Variants in MACROD2 observed in about 807,000 individuals in gnomAD.
The protein encoded by MACROD2 is mono-ADP ribosylhydrolase 2.
In MACROD2, 36 loss-of-function variants were observed where a neutral mutation model predicts 70.4. That is an observed-to-expected ratio of 0.51 (90% CI 0.39 to 0.68). The LOEUF (loss-of-function observed/expected upper bound fraction) is 0.68. MACROD2 is among the 30% of genes least tolerant of loss of function. The pLI, the probability that MACROD2 is intolerant of heterozygous loss-of-function variation, is 0.00. For missense variants in MACROD2, 496 were observed against 538.4 expected, an observed-to-expected ratio of 0.92 and a Z score of 0.78; for synonymous variants, 172 against 178.8, an observed-to-expected ratio of 0.96 and a Z score of 0.30.
At chr20:14,926,397 A>C (rs767514663) in intron 5 of MACROD2, among the ~76,000 whole-genome samples, 9 of 151,978 alleles carry the variant, frequency 5.9e-5, no homozygotes, top group Non-Finnish European at 1.0e-4. Context: ...AAAAATACAA[A>C]AAATTAGCTG....
At chr20:15,246,810 G>A (rs1248488600) in intron 6 of MACROD2, among the ~76,000 whole-genome samples, 2 of 152,128 alleles carry the variant, frequency 1.3e-5, no homozygotes, top group Non-Finnish European at 2.9e-5. Context: ...TAGCCCTAAA[G>A]TGGAAACAAT....
At chr20:14,770,112 TA>T (rs145646608) in intron 5 of MACROD2, among the ~76,000 whole-genome samples, 3,334 of 152,076 alleles carry the variant, frequency 0.022, 142 homozygotes, top group African/African-American at 0.076. Flanking sequence ...TTTAAATTGT[TA>T]AAAATGCATA....
chr20:14,825,260 G>A (rs1414394013), intron 5 of MACROD2, among the ~76,000 whole-genome samples: 1 of 152,014 alleles, frequency 6.6e-6, no homozygotes, highest in African/African-American at 2.4e-5. Flanking sequence ...CTAGCAGTGA[G>A]AGCCGTAAAA....
intron 8 of MACROD2, among the ~76,000 whole-genome samples, chr20:15,523,505 C>T (rs893396335): frequency 1.3e-5 from 2 of 152,128 alleles, no homozygotes; most frequent in East Asian, 3.9e-4. Context: ...GAGTTATTCT[C>T]TCACTGGGTT....
At chr20:15,415,149 A>G (rs930651206) in intron 6 of MACROD2, among the ~76,000 whole-genome samples, 15 of 152,202 alleles carry the variant, frequency 9.9e-5, no homozygotes, top group Admixed American at 7.2e-4. Context: ...AAACACTGAA[A>G]CAAAGTTTAA....
At chr20:14,188,069 A>T (rs2081358705) in intron 3 of MACROD2, among the ~76,000 whole-genome samples, 2 of 152,166 alleles carry the variant, frequency 1.3e-5, no homozygotes. Context: ...GTAAAACCAG[A>T]TTATGAAAAA....
At chr20:15,358,274 G>A (rs1376680097) in intron 6 of MACROD2, among the ~76,000 whole-genome samples, 1 of 152,176 alleles carries the variant, frequency 6.6e-6, no homozygotes, top group Non-Finnish European at 1.5e-5. Context: ...ATCAAAGATA[G>A]AATGCATTAA....
At chr20:15,127,892 C>T (rs115588027) in intron 5 of MACROD2, among the ~76,000 whole-genome samples, 416 of 152,192 alleles carry the variant, frequency 2.7e-3, no homozygotes, top group African/African-American at 9.0e-3. Context: ...GGACAACTAA[C>T]CCACCAACCT....
chr20:15,039,548 A>G (rs532110001), intron 5 of MACROD2, among the ~76,000 whole-genome samples: 17 of 152,262 alleles, frequency 1.1e-4, no homozygotes, highest in Non-Finnish European at 2.4e-4. Context: ...GCCAGGTGCC[A>G]TACTTCATGG....
chr20:14,381,722 C>T (rs1039620321), intron 3 of MACROD2, among the ~76,000 whole-genome samples: 1 of 152,150 alleles, frequency 6.6e-6, no homozygotes, highest in Non-Finnish European at 1.5e-5. Flanking sequence ...AGAACAGATT[C>T]TTTGTCTCTA....
intron 6 of MACROD2, among the ~76,000 whole-genome samples, chr20:15,422,080 T>A (rs967975948): frequency 6.6e-6 from 1 of 151,992 alleles, no homozygotes; most frequent in African/African-American, 2.4e-5. Flanking sequence ...AGGAGACCAA[T>A]GTGGCTGGAA....
intron 8 of MACROD2, among the ~76,000 whole-genome samples, chr20:15,516,183 A>G (rs935949084): frequency 2.6e-5 from 4 of 152,088 alleles, no homozygotes; most frequent in Non-Finnish European, 5.9e-5. Context: ...TCCACTCAAC[A>G]TTGTCAACAC....
chr20:16,005,602 A>C (rs941895600), intron 15 of MACROD2, among the ~76,000 whole-genome samples: 1 of 152,252 alleles, frequency 6.6e-6, no homozygotes, highest in African/African-American at 2.4e-5. Context: ...ACTTAGGAGC[A>C]TTTATTTCTC....
At chr20:15,623,435 C>G (rs1047611024) in intron 8 of MACROD2, among the ~76,000 whole-genome samples, 1 of 152,094 alleles carries the variant, frequency 6.6e-6, no homozygotes, top group Non-Finnish European at 1.5e-5. Flanking sequence ...GGGCTCAACA[C>G]ATTGTTAAGG....
chr20:14,664,142 T>C (rs1275314161), intron 4 of MACROD2, among the ~76,000 whole-genome samples: 1 of 152,122 alleles, frequency 6.6e-6, no homozygotes, highest in Non-Finnish European at 1.5e-5. Flanking sequence ...TTGTTGGTTT[T>C]ACAAAAATCA....
chr20:15,372,141 CTAAAG>C (rs1478214775), intron 6 of MACROD2, among the ~76,000 whole-genome samples: 1 of 152,122 alleles, frequency 6.6e-6, no homozygotes, highest in Non-Finnish European at 1.5e-5. Context: ...TGGAAAAATA[CTAAAG>C]TACTTTCCAC....
chr20:15,375,505 T>G (rs2045550379), intron 6 of MACROD2, among the ~76,000 whole-genome samples: 1 of 152,132 alleles, frequency 6.6e-6, no homozygotes, highest in South Asian at 2.1e-4. Flanking sequence ...ATGCCAAGAT[T>G]CACCCATTGC....
chr20:16,043,752 G>A (rs150285837), intron 16 of MACROD2, among the ~76,000 whole-genome samples: 44 of 152,168 alleles, frequency 2.9e-4, no homozygotes, highest in African/African-American at 1.0e-3. Flanking sequence ...TTTTGAATTC[G>A]AAATTGAAAG....
intron 4 of MACROD2, among the ~76,000 whole-genome samples, chr20:14,643,195 A>T (rs1307801975): frequency 6.6e-6 from 1 of 152,092 alleles, no homozygotes; most frequent in Non-Finnish European, 1.5e-5. Flanking sequence ...ATCCCCCTCC[A>T]TCCATTTTTC....
Sources: gnomAD v4.1 joint callset for allele counts (sites outside exome capture counted in the v4.1 genomes callset) on GRCh38, gnomAD v4.1.1 for gene constraint, MANE v1.5 for transcripts, NCBI Gene and HGNC (gene_info 2026-07-23, HGNC 2026-07-21) for gene names.